Variants in RTN4RL1 observed in about 807,000 individuals in gnomAD.
The protein encoded by RTN4RL1 is reticulon-4 receptor-like 1.
RTN4RL1 carries 7 observed loss-of-function variants against 25.6 expected under a neutral mutation model. The observed-to-expected ratio is 0.27, with a 90% CI of 0.16 to 0.51. The LOEUF is 0.51. Among genes scored for constraint, RTN4RL1 ranks in the 20% least tolerant of loss-of-function variants. The pLI is 0.97. For synonymous variants in RTN4RL1, 297 were observed against 288.2 expected, an observed-to-expected ratio of 1.03 and a Z score of -0.31; for missense variants, 500 against 615.6, an observed-to-expected ratio of 0.81 and a Z score of 1.99.
At chr17:1,970,919 G>A (rs1481025613) in intron 1 of RTN4RL1, among the ~76,000 whole-genome samples, 1 of 151,546 alleles carries the variant, frequency 6.6e-6, no homozygotes, top group Admixed American at 6.6e-5. Flanking sequence ...CCTCTCCCTA[G>A]AGAAGCGAGC....
At chr17:2,008,683 T>A (rs2067019779) in intron 1 of RTN4RL1, among the ~76,000 whole-genome samples, 1 of 152,174 alleles carries the variant, frequency 6.6e-6, no homozygotes, top group South Asian at 2.1e-4. Context: ...CAATCCGCCC[T>A]ACCACTAACT....
Position 1,936,557 on chromosome 17 carries a change from G to A in RTN4RL1, c.1265C>T (p.Ala422Val), listed in dbSNP as rs1299282090. Reference protein sequence around the residue: ...APSGVQQASSASSLGASLLAW... With the variant: ...APSGVQQASSVSSLGASLLAW... ...CAGGAGGGAGGCCCCCAGGGAACTG[G>A]CCGAGGAGGCCTGCTGCACCCCGCT... Residue 422 changes from alanine (A) to valine (V), a missense_variant, in exon 2 of 2, where the codon GCC (alanine) becomes GTC (valine). By Grantham distance (64) the Ala-to-Val change is moderately conservative. Coordinates refer to ENST00000331238, the MANE Select transcript of RTN4RL1 (RefSeq NM_178568.4). The A allele has an allele frequency of 1.9e-6, 3 of 1,559,730 alleles. No individual in the cohort carries two copies. The highest frequency in any genetic ancestry group is 1.9e-5 in the Admixed American group (1 of 52,012).
chr17:2,013,582 A>G (rs1340231908), intron 1 of RTN4RL1, among the ~76,000 whole-genome samples: 1 of 150,844 alleles, frequency 6.6e-6, no homozygotes, highest in Non-Finnish European at 1.5e-5. Flanking sequence ...TGGAACATAA[A>G]TACCCCAGCT....
chr17:1,962,670 G>T (rs1010821892), intron 1 of RTN4RL1, among the ~76,000 whole-genome samples: 2 of 151,846 alleles, frequency 1.3e-5, no homozygotes, highest in African/African-American at 4.8e-5. Flanking sequence ...TTCGAGATCA[G>T]CCCGGCCAAC....
chr17:1,937,829 A>G, intron 1 of RTN4RL1, 21 bp from the exon 2 acceptor site: 1 of 1,547,070 alleles, frequency 6.5e-7, no homozygotes, highest in Non-Finnish European at 8.8e-7. Flanking sequence ...GAGAGAGCAC[A>G]GCCAGGTCAG....
intron 1 of RTN4RL1, among the ~76,000 whole-genome samples, chr17:1,947,972 A>T (rs1173265281): frequency 6.6e-6 from 1 of 152,124 alleles, no homozygotes; most frequent in Non-Finnish European, 1.5e-5. Flanking sequence ...CTAAGCCGTG[A>T]TGATTACGTT....
At chr17:1,947,551 G>A (rs979666239) in intron 1 of RTN4RL1, among the ~76,000 whole-genome samples, 7 of 152,238 alleles carry the variant, frequency 4.6e-5, no homozygotes, top group Non-Finnish European at 7.3e-5. Flanking sequence ...CAGCACGCCA[G>A]GATCGCTCTC....
chr17:1,945,369 C>T (rs907065778), intron 1 of RTN4RL1, among the ~76,000 whole-genome samples: 31 of 152,118 alleles, frequency 2.0e-4, no homozygotes, highest in Non-Finnish European at 4.1e-4. Flanking sequence ...ATTACAGGTG[C>T]CCGCCACCAT....
chr17:1,969,058 C>CTTTATTT (rs2066806020), intron 1 of RTN4RL1, among the ~76,000 whole-genome samples: 1 of 103,892 alleles, frequency 9.6e-6, no homozygotes. Context: ...ACCACTGTCC[C>CTTTATTT]TTTTTTTTTT....
intron 1 of RTN4RL1, among the ~76,000 whole-genome samples, chr17:1,973,632 CAG>C (rs1028076548): frequency 6.6e-6 from 1 of 152,174 alleles, no homozygotes; most frequent in African/African-American, 2.4e-5. Context: ...GGTCCAAGGA[CAG>C]ACGTGACTGA....
chr17:1,957,726 C>T (rs1389482386), intron 1 of RTN4RL1, among the ~76,000 whole-genome samples: 3 of 152,120 alleles, frequency 2.0e-5, no homozygotes, highest in Non-Finnish European at 4.4e-5. Context: ...CACCTGTAAT[C>T]CCAGCTACTC....
chr17:2,012,630 T>C (rs566998152), intron 1 of RTN4RL1, among the ~76,000 whole-genome samples: 1 of 152,186 alleles, frequency 6.6e-6, no homozygotes, highest in African/African-American at 2.4e-5. Context: ...CGATTTAATT[T>C]CTCTTATGGT....
chr17:1,985,260 A>G (rs1268163378), intron 1 of RTN4RL1, among the ~76,000 whole-genome samples: 1 of 152,212 alleles, frequency 6.6e-6, no homozygotes, highest in African/African-American at 2.4e-5. Flanking sequence ...GCCTGCACCA[A>G]TGCCCTAGGT....
chr17:1,961,034 A>G (rs34623792), intron 1 of RTN4RL1, among the ~76,000 whole-genome samples: 47,051 of 151,908 alleles, frequency 0.31, 7,667 homozygotes, highest in East Asian at 0.47. Flanking sequence ...TTGCTTAATT[A>G]TTTGTTTACA....
chr17:1,954,528 C>T (rs562301614), intron 1 of RTN4RL1, among the ~76,000 whole-genome samples: 1 of 152,112 alleles, frequency 6.6e-6, no homozygotes, highest in East Asian at 1.9e-4. Flanking sequence ...GCTGGGATTA[C>T]AGGTGCTCAC....
At chr17:1,973,270 T>A (rs1315598549) in intron 1 of RTN4RL1, among the ~76,000 whole-genome samples, 1 of 147,562 alleles carries the variant, frequency 6.8e-6, no homozygotes, top group East Asian at 2.0e-4. Flanking sequence ...GAGGCTGAGG[T>A]GGGAGAATCA....
Position 1,998,833 on chromosome 17 carries a change from T to C in RTN4RL1, c.13+26020A>G, listed in dbSNP as rs2066942257. Among the ~76,000 whole-genome samples, 1 of 151,518 alleles carries C rather than the reference T, an allele frequency of 6.6e-6. No individual in the cohort carries two copies. The highest frequency in any genetic ancestry group is 2.1e-4 in the South Asian group (1 of 4,814). On this transcript the variant is annotated intron_variant, in intron 1 of 1. Coordinates refer to ENST00000331238, the MANE Select transcript of RTN4RL1 (RefSeq NM_178568.4). The surrounding 1 kb of genome is among the most constrained non-coding windows in gnomAD (Gnocchi z 4.9). ...GCCCTAAAAACGCTGGGGACGCGGG[T>C]TTGACGCACTTTCCCGGCAGCCGAA...
intron 1 of RTN4RL1, among the ~76,000 whole-genome samples, chr17:1,970,001 G>T (rs997707757): frequency 7.2e-6 from 1 of 139,486 alleles, no homozygotes; most frequent in African/African-American, 2.6e-5. Context: ...GTGGCCTCAG[G>T]ATTTCTGCTC....
intron 1 of RTN4RL1, chr17:2,023,782 A>G (rs2067241076): frequency 6.6e-6 from 1 of 150,436 alleles, no homozygotes; most frequent in Non-Finnish European, 1.5e-5. Flanking sequence ...GTTGCCATGG[A>G]AACAGGGGCG....
Sources: allele counts gnomAD v4.1 joint callset (sites outside exome capture counted in the v4.1 genomes callset), GRCh38; gene constraint gnomAD v4.1.1; non-coding constraint Gnocchi (gnomAD v3.1); transcripts MANE v1.5; gene names NCBI Gene and HGNC (gene_info 2026-07-23, HGNC 2026-07-21).